The following HERC2 variants were observed in gnomAD, a reference collection of about 807,000 sequenced individuals.
HERC2 encodes the protein HECT and RLD domain containing E3 ubiquitin protein ligase 2.
A neutral mutation model predicts 537.7 loss-of-function variants in HERC2; 102 were observed. That is an observed-to-expected ratio of 0.19 (90% CI 0.16 to 0.22). The LOEUF (loss-of-function observed/expected upper bound fraction) is 0.22. HERC2 is among the 10% of genes least tolerant of loss of function. HERC2 has a pLI of 1.00. For missense variants in HERC2, 4,236 were observed against 6,198.2 expected (o/e 0.68, Z 10.63); for synonymous variants, 2,224 against 2,466.2 (o/e 0.90, Z 2.91).
intron 14 of HERC2, among the ~76,000 whole-genome samples, chr15:28,264,668 CTAAAG>C (rs1216036485): frequency 6.6e-6 from 1 of 152,210 alleles, no homozygotes; most frequent in Non-Finnish European, 1.5e-5. Flanking sequence ...CAAACTTTAA[CTAAAG>C]TAGCAACTAC....
intron 68 of HERC2, among the ~76,000 whole-genome samples, chr15:28,163,951 G>T (rs1476421171): frequency 6.6e-6 from 1 of 152,124 alleles, no homozygotes; most frequent in Non-Finnish European, 1.5e-5. Flanking sequence ...CCACCCTATG[G>T]AGGTGCCTTG....
At chr15:28,296,075 A>T (rs2076461090) in intron 3 of HERC2, among the ~76,000 whole-genome samples, 1 of 82,664 alleles carries the variant, frequency 1.2e-5, no homozygotes, top group African/African-American at 2.5e-5. Flanking sequence ...CATTTATTGA[A>T]TGTCAAAATA....
chr15:28,278,575 G>C (rs2075939979), intron 5 of HERC2, among the ~76,000 whole-genome samples: 1 of 152,090 alleles, frequency 6.6e-6, no homozygotes, highest in Admixed American at 6.6e-5. Context: ...GACACAGAGA[G>C]CCAACTGTAA....
chr15:28,191,839 A>G (rs1896881547), intron 53 of HERC2, 122 bp downstream of exon 53: 1 of 684,900 alleles, frequency 1.5e-6, no homozygotes. Context: ...TTAAAACATA[A>G]CGTGAGTACT....
chr15:28,194,517 C>A (rs1338439031), intron 52 of HERC2, among the ~76,000 whole-genome samples: 2 of 151,556 alleles, frequency 1.3e-5, no homozygotes, highest in African/African-American at 4.8e-5. Flanking sequence ...TTGCAGTGAG[C>A]CAAGATCACG....
intron 35 of HERC2, among the ~76,000 whole-genome samples, chr15:28,224,593 C>T (rs1462438089): frequency 6.6e-6 from 1 of 152,136 alleles, no homozygotes; most frequent in Non-Finnish European, 1.5e-5. Flanking sequence ...TTCACTGTGA[C>T]TTTGATAACT....
At position 28,144,705 on chromosome 15, in the gene HERC2, C is replaced by T; in HGVS notation, c.11108G>A (p.Arg3703His). The T allele has an allele frequency of 1.2e-6, 2 of 1,614,184 alleles. No homozygotes were observed. The highest frequency in any genetic ancestry group is 1.7e-5 in the Admixed American group (1 of 60,014). The change falls in exon 72 of 93, where the codon CGC becomes CAC. Residue 3703 changes from arginine (R) to histidine (H), a missense_variant. Physicochemically the swap from Arg to His is conservative, Grantham distance 29 (BLOSUM62 0). Coordinates refer to ENST00000261609, the MANE Select transcript of HERC2 (RefSeq NM_004667.6). Reference protein sequence around the residue: ...SDGSVNGWGWRFTVYPIMPAA... With the variant: ...SDGSVNGWGWHFTVYPIMPAA... ...TGGCATGATGGGATAGACGGTGAAG[C>T]GCCAGCCCCAGCCATTCACAGACCC...
chr15:28,197,491 C>T (rs1287696437), intron 50 of HERC2, among the ~76,000 whole-genome samples: 3 of 152,162 alleles, frequency 2.0e-5, no homozygotes, highest in Admixed American at 6.5e-5. Flanking sequence ...TGGTGGCTCA[C>T]GCCTGTAATC....
intron 40 of HERC2, 122 bp from the exon 41 acceptor site, chr15:28,214,394 G>C (rs1229185087): frequency 1.0e-5 from 10 of 989,448 alleles, no homozygotes; most frequent in Non-Finnish European, 1.4e-5. Flanking sequence ...ACAGGGAAGG[G>C]AGACGGCCAT....
At position 28,238,718 on chromosome 15, in the gene HERC2, C is replaced by T. The variant is rs772482555; in HGVS notation, c.3632G>A (p.Arg1211His). The T allele has an allele frequency of 2.1e-5, 34 of 1,611,032 alleles. No homozygotes were observed. The highest frequency in any genetic ancestry group is 1.1e-4 in the African/African-American group (8 of 74,822). The part of the protein sequence containing the change: ...CRNNEEVTLI[R>H]KADLENHNKD... ...ATTATGGTTCTCCAAATCAGCTTTG[C>T]GTATAAGTGTCACTTCCTCATTATT... The change falls in exon 24 of 93, where the codon CGC becomes CAC. Residue 1211 changes from arginine (R) to histidine (H), a missense_variant. By Grantham distance (29) the Arg-to-His change is conservative (BLOSUM62 0). Transcript: ENST00000261609.
In HERC2 at chr15:28,167,679, C is replaced by G; in HGVS notation, c.10554+8G>C. ...ACAATACAAAGTTAAAGAAGAACGC[C>G]TCTTCACCTCTTTGGTTTTGGTCAT... On this transcript the variant is annotated splice_region_variant and intron_variant, in intron 68 of 92. Transcript: ENST00000261609. The G allele has an allele frequency of 6.2e-7, 1 of 1,613,892 alleles. No individual in the cohort carries two copies. The highest frequency in any genetic ancestry group is 8.5e-7 in the Non-Finnish European group (1 of 1,179,904).
At chr15:28,298,150 GT>G (rs1355374684) in intron 3 of HERC2, among the ~76,000 whole-genome samples, 1 of 149,880 alleles carries the variant, frequency 6.7e-6, no homozygotes, top group African/African-American at 2.4e-5. Flanking sequence ...TTTGTTTTGT[GT>G]TTTTTGTTTT....
At chr15:28,274,524 G>A in intron 6 of HERC2, 77 bp from the exon 7 acceptor site, 2 of 1,455,354 alleles carry the variant, frequency 1.4e-6, no homozygotes, top group African/African-American at 1.4e-5. Flanking sequence ...CTCAGCGAGA[G>A]ATGACGCCAC....
chr15:28,182,347 G>A, intron 57 of HERC2, 54 bp downstream of exon 57: 1 of 1,064,490 alleles, frequency 9.4e-7, no homozygotes, highest in Non-Finnish European at 1.5e-6. Context: ...ACTTCACGAG[G>A]TGTGGCTGCT....
intron 26 of HERC2, among the ~76,000 whole-genome samples, chr15:28,235,817 T>C (rs1902377392): frequency 6.6e-6 from 1 of 152,180 alleles, no homozygotes. Context: ...ACACCTCGCA[T>C]GGTAACTGCA....
intron 19 of HERC2, 35 bp downstream of exon 19, chr15:28,255,837 G>C (rs766229753): frequency 1.3e-6 from 2 of 1,590,226 alleles, no homozygotes; most frequent in African/African-American, 1.3e-5. Context: ...TGATCTCAGT[G>C]CACCACCAGG....
At chr15:28,123,187 G>T (rs1889113107) in intron 85 of HERC2, among the ~76,000 whole-genome samples, 1 of 152,168 alleles carries the variant, frequency 6.6e-6, no homozygotes, top group African/African-American at 2.4e-5. Context: ...GTCCTGTTCA[G>T]CAGAAATCGT....
At chr15:28,285,312 CAA>C (rs892443050) in intron 4 of HERC2, among the ~76,000 whole-genome samples, 12 of 152,116 alleles carry the variant, frequency 7.9e-5, no homozygotes, top group African/African-American at 2.9e-4. Flanking sequence ...ACAAACCTAA[CAA>C]ATTTTTTGAA....
At chr15:28,216,278 C>T (rs1439750261) in intron 38 of HERC2, among the ~76,000 whole-genome samples, 1 of 151,968 alleles carries the variant, frequency 6.6e-6, no homozygotes. Context: ...AATATCTCCA[C>T]AATCTTGCTT....
Sources: gnomAD v4.1 joint callset for allele counts (sites outside exome capture counted in the v4.1 genomes callset) on GRCh38, gnomAD v4.1.1 for gene constraint, MANE v1.5 for transcripts, NCBI Gene and HGNC (gene_info 2026-07-23, HGNC 2026-07-21) for gene names.